AGBL4: variants seen among roughly 807,000 people sequenced by gnomAD.
The protein encoded by AGBL4 is cytosolic carboxypeptidase 6.
AGBL4 carries 58 observed loss-of-function variants against 66.4 expected under a neutral mutation model. The observed-to-expected ratio is 0.87, with a 90% CI of 0.71 to 1.09. AGBL4 has a LOEUF of 1.09. AGBL4 is among the 50% of genes least tolerant of loss of function. The pLI is 0.00. For missense variants in AGBL4, 579 were observed against 631.0 expected (o/e 0.92, Z 0.88); for synonymous variants, 234 against 222.9 (o/e 1.05, Z -0.44).
At chr1:49,441,259 A>T (rs1646023093) in intron 3 of AGBL4, among the ~76,000 whole-genome samples, 2 of 152,128 alleles carry the variant, frequency 1.3e-5, no homozygotes, top group African/African-American at 4.8e-5. Flanking sequence ...AGGCATGGGA[A>T]TGGATATTAA....
intron 3 of AGBL4, among the ~76,000 whole-genome samples, chr1:49,653,806 G>A (rs1466350892): frequency 6.6e-6 from 1 of 151,584 alleles, no homozygotes; most frequent in East Asian, 2.0e-4. Flanking sequence ...CAAAACCTCC[G>A]AGAACTATGG....
At chr1:49,603,929 TACACACACACACACACACACAC>T (rs60862640) in intron 3 of AGBL4, among the ~76,000 whole-genome samples, 30 of 140,628 alleles carry the variant, frequency 2.1e-4, no homozygotes, top group African/African-American at 6.3e-4. Context: ...TTCCATGGTA[TACACACACACACACACACACAC>T]ACACACACAC....
Position 48,953,679 on chromosome 1 carries a change from C to T in AGBL4, c.595-86449G>A, listed in dbSNP as rs148779319. 2.3e-4 allele frequency among the ~76,000 whole-genome samples: 35 copies of T among 152,294 alleles called. No individual in the cohort carries two copies. In the East Asian group the frequency reaches 6.4e-3, roughly 28 times the overall value. ...TTCCTTCTTTCAGTTGCACAGACTT[C>T]TATCCATCTGATCCTTAGCTCTGAG... On this transcript the variant is annotated intron_variant, in intron 5 of 13. Transcript: ENST00000371839.
Position 49,798,836 on chromosome 1 carries a change from C to T in AGBL4, c.157+52560G>A, listed in dbSNP as rs1359708025. 2.0e-5 allele frequency among the ~76,000 whole-genome samples: 3 copies of T among 152,044 alleles called. No homozygotes were observed. The East Asian group carries it at 5.8e-4, about 29-fold the overall frequency. ...ATTTTATTTAAAATATTTTCAGCAT[C>T]TTTGTAAATTAAGTGTTAATCACCA... On this transcript the variant is annotated intron_variant, in intron 2 of 13. Transcript: ENST00000371839.
At chr1:49,591,840 G>T (rs1644757110) in intron 3 of AGBL4, among the ~76,000 whole-genome samples, 1 of 152,168 alleles carries the variant, frequency 6.6e-6, no homozygotes, top group African/African-American at 2.4e-5. Context: ...AATGGAGAAA[G>T]GGGTCCCTAT....
chr1:49,566,164 G>A (rs1571058334), intron 3 of AGBL4, among the ~76,000 whole-genome samples: 1 of 152,104 alleles, frequency 6.6e-6, no homozygotes, highest in East Asian at 1.9e-4. Context: ...GGTCCTTTAA[G>A]GACTTCTCTG....
rs976183629 is a variant in AGBL4 at position 49,697,459 on chromosome 1, A to C, written c.158-22T>G. The stretch of plus-strand genomic sequence containing the variant: ...TTACCTGGTAATAAAAATTAAGAGA[A>C]TTGGATTTTAATAGAAGTTCATGCA... On this transcript the variant is annotated intron_variant, in intron 2 of 13. Coordinates refer to ENST00000371839, the MANE Select transcript of AGBL4 (RefSeq NM_032785.4). 7 of 1,487,406 alleles carry C rather than the reference A, an allele frequency of 4.7e-6. No homozygotes were observed. In the African/African-American group the frequency reaches 6.9e-5, roughly 15 times the overall value. The allele number at this position is 1,487,406 out of a possible 1,614,324, so 92.1% of individuals were successfully genotyped here.
At chr1:48,794,630 T>C (rs1450169262) in intron 6 of AGBL4, among the ~76,000 whole-genome samples, 1 of 152,180 alleles carries the variant, frequency 6.6e-6, no homozygotes, top group Non-Finnish European at 1.5e-5. Context: ...TGACCTTGCC[T>C]TTTTCCAGAA....
At chr1:49,375,683 A>T (rs1476973592) in intron 3 of AGBL4, among the ~76,000 whole-genome samples, 1 of 152,116 alleles carries the variant, frequency 6.6e-6, no homozygotes. Flanking sequence ...ATATTTGAAG[A>T]AATATGGACA....
At chr1:49,849,364 C>T (rs1166403239) in intron 2 of AGBL4, among the ~76,000 whole-genome samples, 1 of 149,850 alleles carries the variant, frequency 6.7e-6, no homozygotes, top group East Asian at 2.0e-4. Context: ...ATAATATTTA[C>T]CCTTTCTAAG....
intron 3 of AGBL4, among the ~76,000 whole-genome samples, chr1:49,543,091 C>T (rs1393566466): frequency 6.6e-6 from 1 of 152,002 alleles, no homozygotes; most frequent in Non-Finnish European, 1.5e-5. Context: ...AAATTTGTAA[C>T]ATAACCAATC....
At chr1:49,845,925 A>G in intron 2 of AGBL4, 2 of 1,468,206 alleles carry the variant, frequency 1.4e-6, no homozygotes, top group South Asian at 2.3e-5. Context: ...TACAAATGCA[A>G]TGACTGCAGC....
At position 48,604,895 on chromosome 1, in the gene AGBL4, T is replaced by C. The variant is rs373067671; in HGVS notation, c.952-13910A>G. On this transcript the variant is annotated intron_variant, in intron 9 of 13. Transcript: ENST00000371839. ...GGATTGAAGGGAAGTCCCACAACAATGCAAGCCCCTTCATCCATATCTACA... is the reference window on the plus strand; with the variant it reads ...GGATTGAAGGGAAGTCCCACAACAACGCAAGCCCCTTCATCCATATCTACA... Among the ~76,000 whole-genome samples, 5 of 152,350 alleles carry C rather than the reference T, an allele frequency of 3.3e-5. No individual in the cohort carries two copies. The East Asian group carries it at 5.8e-4, about 18-fold the overall frequency.
chr1:48,687,153 C>A (rs1646546972), intron 6 of AGBL4, among the ~76,000 whole-genome samples: 1 of 152,014 alleles, frequency 6.6e-6, no homozygotes, highest in Non-Finnish European at 1.5e-5. Context: ...AGATGAAGCA[C>A]AAGAAGAGAA....
chr1:49,802,460 T>C (rs1644884873), intron 2 of AGBL4, among the ~76,000 whole-genome samples: 1 of 152,240 alleles, frequency 6.6e-6, no homozygotes, highest in Admixed American at 6.5e-5. Flanking sequence ...GATTAATATC[T>C]TGCTAATCAT....
At chr1:50,019,302 T>A (rs34475863) in intron 1 of AGBL4, among the ~76,000 whole-genome samples, 2,252 of 70,484 alleles carry the variant, frequency 0.032, 49 homozygotes, top group African/African-American at 0.094. Context: ...TCTCTCTCTC[T>A]CTCTCACACA....
intron 9 of AGBL4, among the ~76,000 whole-genome samples, chr1:48,623,683 C>A (rs1645452559): frequency 6.6e-6 from 1 of 152,246 alleles, no homozygotes; most frequent in Non-Finnish European, 1.5e-5. Context: ...AAGTTCCACA[C>A]ATACTGAACA....
intron 4 of AGBL4, among the ~76,000 whole-genome samples, chr1:49,049,760 C>A (rs1410174747): frequency 6.6e-6 from 1 of 151,844 alleles, no homozygotes; most frequent in Admixed American, 6.6e-5. Flanking sequence ...AGATCCTGTA[C>A]TTGATGTTAG....
intron 3 of AGBL4, among the ~76,000 whole-genome samples, chr1:49,409,580 G>T (rs1390042177): frequency 6.6e-6 from 1 of 152,126 alleles, no homozygotes; most frequent in African/African-American, 2.4e-5. Flanking sequence ...GAGATTTCAT[G>T]GTAAAGCAGA....
Sources: gnomAD v4.1 joint callset for allele counts (sites outside exome capture counted in the v4.1 genomes callset) on GRCh38, gnomAD v4.1.1 for gene constraint, MANE v1.5 for transcripts, NCBI Gene and HGNC (gene_info 2026-07-23, HGNC 2026-07-21) for gene names.